LAMB3: variants seen among roughly 807,000 people sequenced by gnomAD.
LAMB3 encodes laminin subunit beta-3.
Under a neutral mutation model 140.3 loss-of-function variants are expected in LAMB3, and 104 were observed. The ratio of observed to expected loss-of-function variants is 0.74; its 90% CI spans 0.63 to 0.87. The LOEUF is 0.87. Ranked by LOEUF, LAMB3 falls within the 40% of genes least tolerant of loss-of-function variation. LAMB3 has a pLI of 0.00. For synonymous variants in LAMB3, 592 were observed against 602.9 expected, an observed-to-expected ratio of 0.98 and a Z score of 0.26; for missense variants, 1,531 against 1,575.2, an observed-to-expected ratio of 0.97 and a Z score of 0.47.
intron 12 of LAMB3, 55 bp downstream of exon 12, chr1:209,627,328 G>T: frequency 1.4e-6 from 2 of 1,437,874 alleles, no homozygotes; most frequent in African/African-American, 1.4e-5. Flanking sequence ...AGAGAGGCTG[G>T]TGCTCAGGAC....
intron 3 of LAMB3, among the ~76,000 whole-genome samples, chr1:209,639,426 C>A (rs191224025): frequency 2.6e-5 from 4 of 152,156 alleles, no homozygotes; most frequent in Non-Finnish European, 5.9e-5. Context: ...TATTCCCTAC[C>A]TACAGGAGAG....
At position 209,623,369 on chromosome 1, in the gene LAMB3, A is replaced by G. The variant is rs376273014; in HGVS notation, c.2358+136T>C. 454 of 1,040,838 alleles carry G rather than the reference A, an allele frequency of 4.4e-4. 3 individuals carry two copies. In the South Asian group the frequency reaches 5.7e-3, roughly 13 times the overall value. 64.5% of individuals were successfully genotyped at this position (1,040,838 alleles called of 1,614,324 possible). On this transcript the variant is annotated intron_variant, in intron 16 of 22. Transcript: ENST00000356082. This position sits in a 1 kb window ranked among gnomAD's most constrained non-coding sequence, Gnocchi z 4.2. The stretch of plus-strand genomic sequence containing the variant: ...AACCACTGAGCTCACAGTGAGCAGT[A>G]CAAGGGTCGGGATGGCTGGGGGAGT...
intron 3 of LAMB3, among the ~76,000 whole-genome samples, chr1:209,639,639 A>G (rs1299788274): frequency 1.3e-5 from 2 of 151,884 alleles, no homozygotes; most frequent in African/African-American, 2.4e-5. Context: ...ACACACACAC[A>G]CACGCACACG....
intron 11 of LAMB3, 131 bp downstream of exon 11, chr1:209,627,904 C>T (rs1264397377): frequency 1.8e-5 from 22 of 1,243,716 alleles, no homozygotes; most frequent in Non-Finnish European, 2.2e-5. Context: ...GGCAAAGGCC[C>T]GGGCATACCC....
At chr1:209,638,389 G>A in intron 4 of LAMB3, 145 bp downstream of exon 4, 1 of 701,184 alleles carries the variant, frequency 1.4e-6, no homozygotes. Context: ...CCAAATATGA[G>A]GCAGAAAGAT....
At chr1:209,645,199 C>A (rs1235028704) in intron 3 of LAMB3, among the ~76,000 whole-genome samples, 1 of 152,198 alleles carries the variant, frequency 6.6e-6, no homozygotes, top group Non-Finnish European at 1.5e-5. Flanking sequence ...AAACAAGACT[C>A]ATTTTGGGTC....
At chr1:209,625,506 T>C in intron 14 of LAMB3, 142 bp downstream of exon 14, 17 of 1,113,200 alleles carry the variant, frequency 1.5e-5, no homozygotes, top group Non-Finnish European at 2.3e-5. Context: ...ACAGGACTGT[T>C]GTAATGGTTG....
In LAMB3 at chr1:209,623,620, T is replaced by G. The variant is rs1220651234; in HGVS notation, c.2243A>C (p.Glu748Ala). ...CGCCTGCCGCACCAGCCTCTCTGCC[T>G]CTCTCCGGCTGTCCCTGAGCTGGTC... ...LLDQLRDSRR[E>A]AERLVRQAGG... The change falls in exon 16 of 23, where the codon GAG becomes GCG. Residue 748 changes from glutamate to alanine, a missense_variant. Transcript: ENST00000356082. This position sits in a 1 kb window ranked among gnomAD's most constrained non-coding sequence, Gnocchi z 4.2. 1 of 1,614,176 alleles carries G rather than the reference T, an allele frequency of 6.2e-7. No individual in the cohort carries two copies. Among genetic ancestry groups the G allele is most frequent in the South Asian group, 1.1e-5 (1 of 91,080 alleles).
At chr1:209,638,703 C>T in intron 3 of LAMB3, 55 bp from the exon 4 acceptor site, 2 of 1,173,032 alleles carry the variant, frequency 1.7e-6, no homozygotes, top group Admixed American at 3.5e-5. Flanking sequence ...TAGAATTCCC[C>T]CTTGCGTCCT....
At chr1:209,637,618 A>C (rs1666933152) in intron 5 of LAMB3, among the ~76,000 whole-genome samples, 1 of 152,210 alleles carries the variant, frequency 6.6e-6, no homozygotes, top group African/African-American at 2.4e-5. Context: ...ACTGTACAAC[A>C]AGCAACCGGG....
intron 18 of LAMB3, among the ~76,000 whole-genome samples, chr1:209,622,070 G>A (rs899692023): frequency 5.3e-5 from 8 of 152,200 alleles, no homozygotes; most frequent in Non-Finnish European, 1.2e-4. Context: ...CTGGAAAGAG[G>A]ACTTCAGGCA....
intron 5 of LAMB3, 54 bp downstream of exon 5, chr1:209,637,854 C>T (rs1020403981): frequency 7.8e-6 from 11 of 1,413,018 alleles, no homozygotes; most frequent in South Asian, 1.2e-5. Context: ...TGGCTCCACG[C>T]CCACATGGCC....
intron 3 of LAMB3, among the ~76,000 whole-genome samples, chr1:209,649,012 GAGA>G (rs2076541726): frequency 6.6e-6 from 1 of 152,144 alleles, no homozygotes; most frequent in Admixed American, 6.5e-5. Context: ...CCAAGTGGGT[GAGA>G]TGCAAAAACC....
At chr1:209,631,352 C>A (rs1666685011) in intron 8 of LAMB3, among the ~76,000 whole-genome samples, 1 of 152,204 alleles carries the variant, frequency 6.6e-6, no homozygotes, top group African/African-American at 2.4e-5. Context: ...GCAAGCCCTA[C>A]TTTCTCCACC....
chr1:209,626,835 G>T, intron 13 of LAMB3, 32 bp downstream of exon 13: 1 of 1,557,708 alleles, frequency 6.4e-7, no homozygotes, highest in Non-Finnish European at 8.8e-7. Context: ...GGCCCCCAGA[G>T]CCTCAGCGTC....
In LAMB3 at chr1:209,620,486, C is replaced by T. The variant is rs1038686647; in HGVS notation, c.2702-1827G>A. On this transcript the variant is annotated intron_variant, in intron 18 of 22. Transcript: ENST00000356082. Reference sequence around the variant, plus strand: ...ACGATCCAGAGAGAGGAAAAACATTCGCAAAGGCAAGAGGCAAGAGAAAGT... The same window carrying T: ...ACGATCCAGAGAGAGGAAAAACATTTGCAAAGGCAAGAGGCAAGAGAAAGT... Among the ~76,000 whole-genome samples the T allele has an allele frequency of 2.6e-5, 4 of 152,176 alleles. No individual in the cohort carries two copies. In the South Asian group the frequency reaches 6.2e-4, roughly 24 times the overall value.
intron 5 of LAMB3, among the ~76,000 whole-genome samples, chr1:209,636,759 A>C (rs1234718358): frequency 1.3e-5 from 2 of 152,138 alleles, no homozygotes; most frequent in Admixed American, 1.3e-4. Flanking sequence ...TTACTGGTCT[A>C]TGAAAGTTCA....
chr1:209,628,206 A>G lies in LAMB3; in HGVS notation c.1133-16T>C. ...CACTCGCAGGCTGAGAGACAACAGCAGCCACCGCAGTAGGAACAAAGAAAA... is the reference window on the plus strand; with the variant it reads ...CACTCGCAGGCTGAGAGACAACAGCGGCCACCGCAGTAGGAACAAAGAAAA... On this transcript the variant is annotated splice_polypyrimidine_tract_variant and intron_variant, in intron 10 of 22. Coordinates refer to ENST00000356082, the MANE Select transcript of LAMB3 (RefSeq NM_000228.3). The G allele has an allele frequency of 3.2e-6, 5 of 1,552,978 alleles. No individual in the cohort carries two copies. Among genetic ancestry groups the G allele is most frequent in the Non-Finnish European group, 4.4e-6 (5 of 1,147,792 alleles).
chr1:209,648,325 G>T (rs1019366153), intron 3 of LAMB3, among the ~76,000 whole-genome samples: 9 of 152,244 alleles, frequency 5.9e-5, no homozygotes, highest in African/African-American at 1.4e-4. Context: ...CTTGCCCAAG[G>T]TCACACCTCA....
Sources: gnomAD v4.1 joint callset for allele counts (sites outside exome capture counted in the v4.1 genomes callset) on GRCh38, gnomAD v4.1.1 for gene constraint, Gnocchi (gnomAD v3.1) non-coding constraint, MANE v1.5 for transcripts, NCBI Gene and HGNC (gene_info 2026-07-23, HGNC 2026-07-21) for gene names.